CNTNAP2: variants seen among roughly 807,000 people sequenced by gnomAD.
CNTNAP2 encodes contactin-associated protein-like 2.
In CNTNAP2, 98 loss-of-function variants were observed where a neutral mutation model predicts 155.2. That is an observed-to-expected ratio of 0.63 (90% CI 0.54 to 0.75). The LOEUF (loss-of-function observed/expected upper bound fraction) is 0.75. Among genes scored for constraint, CNTNAP2 ranks in the 30% least tolerant of loss-of-function variants. CNTNAP2 has a pLI of 0.00. For missense variants in CNTNAP2, 1,727 were observed against 1,688.1 expected, an observed-to-expected ratio of 1.02 and a Z score of -0.40; for synonymous variants, 651 against 631.2, an observed-to-expected ratio of 1.03 and a Z score of -0.47.
chr7:147,602,528 G>A (rs1037886102), intron 12 of CNTNAP2, among the ~76,000 whole-genome samples: 2 of 149,692 alleles, frequency 1.3e-5, no homozygotes, highest in African/African-American at 4.9e-5. Flanking sequence ...TAGGGTACAT[G>A]TGCATAATGT....
intron 21 of CNTNAP2, among the ~76,000 whole-genome samples, chr7:148,303,089 A>T (rs1797423903): frequency 1.3e-5 from 2 of 152,116 alleles, no homozygotes; most frequent in Admixed American, 1.3e-4. Context: ...CTTGGATTAC[A>T]GGCATGAGCC....
chr7:147,235,613 AGGTG>A (rs1201287843), intron 8 of CNTNAP2, among the ~76,000 whole-genome samples: 6 of 152,206 alleles, frequency 3.9e-5, no homozygotes, highest in Middle Eastern at 6.8e-3. Context: ...ATTTTATTTA[AGGTG>A]TAATAATCCA....
intron 15 of CNTNAP2, among the ~76,000 whole-genome samples, chr7:148,072,682 G>C (rs1240289973): frequency 1.3e-5 from 2 of 152,074 alleles, no homozygotes; most frequent in Non-Finnish European, 2.9e-5. Context: ...TAATACTTTG[G>C]GACAGATAAT....
chr7:147,367,186 C>T (rs1796247336), intron 9 of CNTNAP2, among the ~76,000 whole-genome samples: 1 of 152,188 alleles, frequency 6.6e-6, no homozygotes, highest in African/African-American at 2.4e-5. Context: ...AACCAACTTT[C>T]TCCTGTTGCT....
intron 18 of CNTNAP2, among the ~76,000 whole-genome samples, chr7:148,199,484 A>G (rs1345734058): frequency 6.6e-6 from 1 of 152,226 alleles, no homozygotes; most frequent in Non-Finnish European, 1.5e-5. Context: ...CCTGTTGTTA[A>G]AATGATTCCA....
At chr7:146,932,488 T>A (rs1482916723) in intron 3 of CNTNAP2, among the ~76,000 whole-genome samples, 2 of 152,150 alleles carry the variant, frequency 1.3e-5, no homozygotes, top group Admixed American at 6.5e-5. Flanking sequence ...TCATACTGAA[T>A]GGGCAGAAAC....
intron 3 of CNTNAP2, among the ~76,000 whole-genome samples, chr7:146,981,647 C>T (rs1798019959): frequency 6.6e-6 from 1 of 151,918 alleles, no homozygotes; most frequent in Non-Finnish European, 1.5e-5. Context: ...TGTATTCTGG[C>T]TTAGAACACT....
chr7:146,287,389 G>A (rs1199980622), intron 1 of CNTNAP2, among the ~76,000 whole-genome samples: 1 of 152,204 alleles, frequency 6.6e-6, no homozygotes, highest in East Asian at 1.9e-4. Context: ...TTAGGCAGGT[G>A]CTGAGAGGCA....
In CNTNAP2 at chr7:146,262,054, C is replaced by G. The variant is rs192947498; in HGVS notation, c.97+145081C>G. ...GTTCTGCTTGGAAAGCGTGAAGGAC[C>G]CAGAAGGGTGATAATTTTCCACACT... On this transcript the variant is annotated intron_variant, in intron 1 of 23. Transcript: ENST00000361727. Among the ~76,000 whole-genome samples, 79 of 152,168 alleles carry G rather than the reference C, an allele frequency of 5.2e-4. 1 individual carries two copies. Among genetic ancestry groups the G allele is most frequent in the African/African-American group, 1.8e-3 (76 of 41,520 alleles).
At chr7:148,351,972 G>A (rs1032172187) in intron 21 of CNTNAP2, among the ~76,000 whole-genome samples, 28 of 151,940 alleles carry the variant, frequency 1.8e-4, no homozygotes, top group African/African-American at 4.8e-4. Flanking sequence ...CCTACTTCCC[G>A]GCCATTCAGA....
At chr7:147,772,177 G>C (rs932953140) in intron 13 of CNTNAP2, among the ~76,000 whole-genome samples, 1 of 151,692 alleles carries the variant, frequency 6.6e-6, no homozygotes, top group African/African-American at 2.4e-5. Flanking sequence ...TGTAATCCCA[G>C]CACTTTGGGA....
intron 9 of CNTNAP2, among the ~76,000 whole-genome samples, chr7:147,315,311 T>A (rs1345365738): frequency 1.3e-5 from 2 of 150,764 alleles, no homozygotes; most frequent in Admixed American, 6.6e-5. Flanking sequence ...TCACAGAGTC[T>A]TGTAACTATC....
intron 10 of CNTNAP2, among the ~76,000 whole-genome samples, chr7:147,443,469 C>G (rs1049006871): frequency 2.0e-5 from 3 of 151,814 alleles, no homozygotes; most frequent in Non-Finnish European, 4.4e-5. Flanking sequence ...TTTTTTTTCT[C>G]CTTCTGAGTG....
intron 13 of CNTNAP2, among the ~76,000 whole-genome samples, chr7:147,900,700 T>A (rs1200214209): frequency 2.6e-5 from 4 of 152,108 alleles, no homozygotes; most frequent in African/African-American, 9.7e-5. Context: ...CACTGCAACT[T>A]GCACCTCCCA....
chr7:147,547,903 C>A (rs1799772500), intron 11 of CNTNAP2, among the ~76,000 whole-genome samples: 1 of 152,112 alleles, frequency 6.6e-6, no homozygotes, highest in Non-Finnish European at 1.5e-5. Context: ...ATGATGGCTT[C>A]CAGCTTCATC....
At chr7:147,436,073 G>A (rs1797543421) in intron 10 of CNTNAP2, among the ~76,000 whole-genome samples, 1 of 152,060 alleles carries the variant, frequency 6.6e-6, no homozygotes. Context: ...GAGTAGTCAT[G>A]GGGCCCTCTC....
At chr7:147,232,306 G>A (rs893113643) in intron 8 of CNTNAP2, among the ~76,000 whole-genome samples, 65 of 152,144 alleles carry the variant, frequency 4.3e-4, no homozygotes, top group African/African-American at 1.4e-3. Flanking sequence ...CGTTTTTCAC[G>A]GAAATGCCGT....
intron 17 of CNTNAP2, among the ~76,000 whole-genome samples, chr7:148,151,914 C>G (rs914487772): frequency 2.6e-5 from 4 of 152,128 alleles, no homozygotes; most frequent in Non-Finnish European, 4.4e-5. Flanking sequence ...ATCAGAAGTT[C>G]ATCTGAAAAC....
intron 1 of CNTNAP2, among the ~76,000 whole-genome samples, chr7:146,355,621 G>A (rs1303209164): frequency 6.6e-6 from 1 of 152,126 alleles, no homozygotes; most frequent in Non-Finnish European, 1.5e-5. Context: ...AAATAATGCA[G>A]GGATGTTCTA....
Sources: gnomAD v4.1 joint callset for allele counts (sites outside exome capture counted in the v4.1 genomes callset) on GRCh38, gnomAD v4.1.1 for gene constraint, MANE v1.5 for transcripts, NCBI Gene and HGNC (gene_info 2026-07-23, HGNC 2026-07-21) for gene names.